The following PSD3 variants were observed in gnomAD, a reference collection of about 807,000 sequenced individuals.
PSD3 encodes pleckstrin and Sec7 domain containing 3, also known as PH and SEC7 domain-containing protein 3.
PSD3 carries 49 observed loss-of-function variants against 105.5 expected under a neutral mutation model. The observed-to-expected ratio is 0.46, with a 90% CI of 0.37 to 0.59. The LOEUF (loss-of-function observed/expected upper bound fraction) is 0.59. Ranked by LOEUF, PSD3 falls within the 20% of genes least tolerant of loss-of-function variation. The probability of loss-of-function intolerance (pLI) is 0.00; values close to 1 mark genes in which losing one functional copy is unlikely to be tolerated. For missense variants in PSD3, 1,561 were observed against 1,263.8 expected, an observed-to-expected ratio of 1.24 and a Z score of -3.57; for synonymous variants, 557 against 457.8, an observed-to-expected ratio of 1.22 and a Z score of -2.77.
chr8:18,707,975 C>G (rs1292080033), intron 9 of PSD3, among the ~76,000 whole-genome samples: 1 of 152,220 alleles, frequency 6.6e-6, no homozygotes, highest in Non-Finnish European at 1.5e-5. Flanking sequence ...GGCAATGCCA[C>G]CTACATTTCC....
chr8:18,842,318 C>T (rs1000466616), intron 4 of PSD3, among the ~76,000 whole-genome samples: 8 of 152,206 alleles, frequency 5.3e-5, no homozygotes, highest in Non-Finnish European at 1.0e-4. Context: ...CCCTTTTGCG[C>T]TGTAGAGACT....
chr8:18,862,220 A>G (rs1359034649), intron 4 of PSD3, among the ~76,000 whole-genome samples: 1 of 152,046 alleles, frequency 6.6e-6, no homozygotes, highest in African/African-American at 2.4e-5. Context: ...GATAGGTATT[A>G]TTCATTTCAT....
chr8:18,685,527 A>C (rs1800618238), intron 9 of PSD3, among the ~76,000 whole-genome samples: 1 of 152,144 alleles, frequency 6.6e-6, no homozygotes, highest in East Asian at 1.9e-4. Context: ...CTAAAATAAT[A>C]ATAGATTATT....
intron 10 of PSD3, among the ~76,000 whole-genome samples, chr8:18,645,290 A>T (rs1807949002): frequency 6.6e-6 from 1 of 152,236 alleles, no homozygotes; most frequent in South Asian, 2.1e-4. Context: ...AAAATCCAGA[A>T]GATTAATTCA....
intron 12 of PSD3, among the ~76,000 whole-genome samples, chr8:18,592,367 A>G (rs941409495): frequency 1.3e-4 from 20 of 152,144 alleles, no homozygotes; most frequent in Admixed American, 1.2e-3. Context: ...AAGAGTTAAG[A>G]GAGCCTTATA....
At chr8:18,647,060 C>T (rs1808088994) in intron 10 of PSD3, among the ~76,000 whole-genome samples, 1 of 152,182 alleles carries the variant, frequency 6.6e-6, no homozygotes, top group Non-Finnish European at 1.5e-5. Flanking sequence ...CACACTCACA[C>T]CTTCATGGGC....
intron 2 of PSD3, chr8:18,924,942 A>ACAT (rs1373059134): frequency 3.3e-5 from 5 of 152,238 alleles, no homozygotes; most frequent in Non-Finnish European, 7.3e-5. Context: ...TGACATGGGA[A>ACAT]GTACAAGCAA....
chr8:18,877,335 T>C (rs1219911936), intron 2 of PSD3, among the ~76,000 whole-genome samples: 1 of 152,186 alleles, frequency 6.6e-6, no homozygotes, highest in Admixed American at 6.5e-5. Context: ...TTCAATTCAT[T>C]TTCGTACATG....
intron 9 of PSD3, among the ~76,000 whole-genome samples, chr8:18,757,437 C>A (rs1260443027): frequency 6.6e-6 from 1 of 152,128 alleles, no homozygotes; most frequent in Non-Finnish European, 1.5e-5. Context: ...GCATTCCAGC[C>A]TGGGCAACAA....
intron 9 of PSD3, among the ~76,000 whole-genome samples, chr8:18,671,253 T>C (rs917379897): frequency 1.3e-5 from 2 of 152,188 alleles, no homozygotes; most frequent in East Asian, 3.8e-4. Context: ...GTTAGGCAGA[T>C]TGTTGCTTGG....
At chr8:18,864,658 G>T (rs180924546) in intron 4 of PSD3, 1 of 152,280 alleles carries the variant, frequency 6.6e-6, no homozygotes, top group African/African-American at 2.4e-5. Context: ...CAAGGAAGCA[G>T]GAGAGGCGAG....
intron 2 of PSD3, among the ~76,000 whole-genome samples, chr8:18,894,009 G>C (rs73202147): frequency 6.6e-6 from 1 of 152,074 alleles, no homozygotes; most frequent in African/African-American, 2.4e-5. Flanking sequence ...TCAACACACC[G>C]GTGCGGTGGC....
At chr8:18,878,251 T>C (rs775590994) in intron 2 of PSD3, among the ~76,000 whole-genome samples, 6 of 152,218 alleles carry the variant, frequency 3.9e-5, no homozygotes, top group Non-Finnish European at 7.3e-5. Flanking sequence ...TAGCCATGCA[T>C]AGAAATTCAA....
chr8:18,983,651 C>T (rs1443539739), intron 1 of PSD3, among the ~76,000 whole-genome samples: 1 of 152,066 alleles, frequency 6.6e-6, no homozygotes, highest in Non-Finnish European at 1.5e-5. Flanking sequence ...TTTTTAAGTT[C>T]TCCATCTTAC....
chr8:18,890,293 G>GA (rs968272696), intron 2 of PSD3, among the ~76,000 whole-genome samples: 4 of 150,922 alleles, frequency 2.7e-5, no homozygotes, highest in East Asian at 2.0e-4. Flanking sequence ...CTTAGATCTT[G>GA]AAAAAAAAAT....
At chr8:18,620,342 G>GTTTTTTTTT (rs57785765) in intron 11 of PSD3, among the ~76,000 whole-genome samples, 1 of 121,726 alleles carries the variant, frequency 8.2e-6, no homozygotes, top group Non-Finnish European at 1.7e-5. Context: ...TTGGGTTTGT[G>GTTTTTTTTT]TTTTTTTTTT....
intron 4 of PSD3, among the ~76,000 whole-genome samples, chr8:18,812,789 G>A (rs891782187): frequency 2.0e-4 from 31 of 152,196 alleles, no homozygotes; most frequent in African/African-American, 7.2e-4. Context: ...AGGGTGCACT[G>A]CAGGGAATTC....
chr8:18,679,352 T>C (rs1358927844), intron 9 of PSD3, among the ~76,000 whole-genome samples: 1 of 152,226 alleles, frequency 6.6e-6, no homozygotes, highest in Non-Finnish European at 1.5e-5. Flanking sequence ...GAGGTGATGG[T>C]GCCTTTCAAC....
At chr8:18,656,430 G>A (rs1808899460) in intron 9 of PSD3, among the ~76,000 whole-genome samples, 3 of 151,896 alleles carry the variant, frequency 2.0e-5, no homozygotes, top group Non-Finnish European at 4.4e-5. Flanking sequence ...TACTTGGTAG[G>A]GGGACTGAAG....
Sources: allele counts gnomAD v4.1 joint callset (sites outside exome capture counted in the v4.1 genomes callset), GRCh38; gene constraint gnomAD v4.1.1; transcripts MANE v1.5; gene names NCBI Gene and HGNC (gene_info 2026-07-23, HGNC 2026-07-21).